TGM6: variants seen among roughly 807,000 people sequenced by gnomAD.
The protein encoded by TGM6 is protein-glutamine gamma-glutamyltransferase 6.
TGM6 carries 74 observed loss-of-function variants against 77.5 expected under a neutral mutation model. That is an observed-to-expected ratio of 0.96 (90% confidence interval 0.79 to 1.16). The LOEUF (loss-of-function observed/expected upper bound fraction) is 1.16. TGM6 is among the 50% of genes most tolerant of loss of function. The pLI is 0.00. For missense variants in TGM6, 968 were observed against 940.2 expected (o/e 1.03, Z -0.39); for synonymous variants, 383 against 378.9 (o/e 1.01, Z -0.12).
At chr20:2,385,111 C>T (rs182279148) in intron 1 of TGM6, among the ~76,000 whole-genome samples, 24 of 152,262 alleles carry the variant, frequency 1.6e-4, no homozygotes, top group Non-Finnish European at 2.9e-4. Flanking sequence ...ACCAAGAATT[C>T]GGCCAAGGGA....
intron 10 of TGM6, among the ~76,000 whole-genome samples, chr20:2,419,597 C>A (rs1206083761): frequency 6.6e-6 from 1 of 152,194 alleles, no homozygotes; most frequent in Non-Finnish European, 1.5e-5. Flanking sequence ...ATGTATTTTA[C>A]TTCCAAATCC....
At chr20:2,428,616 G>A (rs567896846) in intron 10 of TGM6, among the ~76,000 whole-genome samples, 61 of 152,038 alleles carry the variant, frequency 4.0e-4, no homozygotes, top group African/African-American at 1.4e-3. Flanking sequence ...ACTACCTAAT[G>A]AGCATTCAAT....
intron 10 of TGM6, 136 bp from the exon 11 acceptor site, chr20:2,430,310 G>A (rs2084915820): frequency 8.2e-7 from 1 of 1,225,998 alleles, no homozygotes; most frequent in South Asian, 1.2e-5. Context: ...GAGAACCGAG[G>A]AAAATAAAGC....
intron 9 of TGM6, among the ~76,000 whole-genome samples, chr20:2,411,732 T>C (rs1159673749): frequency 2.0e-5 from 3 of 152,230 alleles, no homozygotes; most frequent in African/African-American, 7.2e-5. Context: ...AGACTGAAGT[T>C]AGACTCTTAC....
In TGM6 at chr20:2,430,975, T is replaced by G. The variant is rs756433478; in HGVS notation, c.1915T>G (p.Cys639Gly). The change falls in exon 12 of 13, where the codon TGT (cysteine) becomes GGT (glycine). Residue 639 changes from cysteine to glycine, a missense_variant. By Grantham distance (159) the Cys-to-Gly change is radical. Coordinates refer to ENST00000202625, the MANE Select transcript of TGM6 (RefSeq NM_198994.3). ...CCCCCTCATAGAGAGAGTGAAGGACTGTGCGCTGATGGTGGAGGGCAGCGG... is the reference window on the plus strand; with the variant it reads ...CCCCCTCATAGAGAGAGTGAAGGACGGTGCGCTGATGGTGGAGGGCAGCGG... ...VNPLIERVKD[C>G]ALMVEGSGLL... 1.9e-6 allele frequency: 3 copies of G among 1,614,028 alleles called. No individual in the cohort carries two copies. Among genetic ancestry groups the G allele is most frequent in the Non-Finnish European group, 2.5e-6 (3 of 1,180,028 alleles).
Position 2,395,455 on chromosome 20 carries a change from A to G in TGM6, c.424+19A>G, listed in dbSNP as rs1455651459. ...TGTGCAGGTAGGAGTGGCCAAGTCC[A>G]ATGCAGAGGTTTTTCCAAAAGACAT... On this transcript the variant is annotated intron_variant, in intron 3 of 12. Coordinates refer to ENST00000202625, the MANE Select transcript of TGM6 (RefSeq NM_198994.3). The G allele has an allele frequency of 6.2e-7, 1 of 1,614,186 alleles. No individual in the cohort carries two copies. The highest frequency in any genetic ancestry group is 1.7e-4 in the Middle Eastern group (1 of 6,060).
chr20:2,409,404 C>A (rs924092125), intron 9 of TGM6, among the ~76,000 whole-genome samples: 1 of 152,150 alleles, frequency 6.6e-6, no homozygotes, highest in South Asian at 2.1e-4. Flanking sequence ...ATAGCCTAAT[C>A]TTCTACCTTA....
At chr20:2,382,217 C>A (rs1228927366) in intron 1 of TGM6, among the ~76,000 whole-genome samples, 1 of 152,220 alleles carries the variant, frequency 6.6e-6, no homozygotes, top group Non-Finnish European at 1.5e-5. Context: ...TGGCAGTTAA[C>A]AGCATTGCTG....
chr20:2,410,149 C>T (rs1599957177), intron 9 of TGM6, among the ~76,000 whole-genome samples: 2 of 152,156 alleles, frequency 1.3e-5, no homozygotes, highest in African/African-American at 4.8e-5. Context: ...AAAATCAAGG[C>T]ATGATTAGGG....
intron 10 of TGM6, among the ~76,000 whole-genome samples, chr20:2,429,921 A>G (rs988630906): frequency 6.6e-6 from 1 of 152,204 alleles, no homozygotes; most frequent in Admixed American, 6.5e-5. Flanking sequence ...GTGTCAGTGA[A>G]GACTTCCCTC....
chr20:2,411,182 T>G (rs2048071967), intron 9 of TGM6, among the ~76,000 whole-genome samples: 3 of 152,058 alleles, frequency 2.0e-5, no homozygotes, highest in Admixed American at 2.0e-4. Flanking sequence ...TACATATCTA[T>G]CTCCCTTATG....
At position 2,417,406 on chromosome 20, in the gene TGM6, C is replaced by A; in HGVS notation, c.1511C>A (p.Pro504His). 6.2e-7 allele frequency: 1 copy of A among 1,613,552 alleles called. No homozygotes were observed. Among genetic ancestry groups the A allele is most frequent in the African/African-American group, 1.3e-5 (1 of 75,068 alleles). Residue 504 changes from proline to histidine, a missense_variant, in exon 10 of 13, where the codon CCT (proline) becomes CAT (histidine). Physicochemically the swap from Pro to His is moderately conservative, Grantham distance 77 (BLOSUM62 -2). Coordinates refer to ENST00000202625, the MANE Select transcript of TGM6 (RefSeq NM_198994.3). ...SIAGKFKVLE[P>H]PMLGHDLRLA... ...GCTGGCAAGTTCAAGGTGCTAGAGC[C>A]TCCCATGCTGGGCCACGACCTGAGA... is the stretch of plus-strand genomic sequence containing the variant.
At position 2,400,449 on chromosome 20, in the gene TGM6, G is replaced by T. The variant is rs1258268366; in HGVS notation, c.989+5G>T. On this transcript the variant is annotated splice_donor_5th_base_variant and intron_variant, in intron 7 of 12. Coordinates refer to ENST00000202625, the MANE Select transcript of TGM6 (RefSeq NM_198994.3). ...CCTGACAGAAGACAGCATGTGGTGGGTCCTGCCCCCAGCCTAGGCCCGAGG... is the reference window on the plus strand; with the variant it reads ...CCTGACAGAAGACAGCATGTGGTGGTTCCTGCCCCCAGCCTAGGCCCGAGG... 1.2e-6 allele frequency: 2 copies of T among 1,613,978 alleles called. No homozygotes were observed. Among genetic ancestry groups the T allele is most frequent in the African/African-American group, 2.7e-5 (2 of 74,932 alleles).
At chr20:2,408,949 C>T (rs889568005) in intron 9 of TGM6, among the ~76,000 whole-genome samples, 4 of 151,844 alleles carry the variant, frequency 2.6e-5, no homozygotes, top group South Asian at 2.1e-4. Context: ...TGAGAGGAAG[C>T]GAACATTTGT....
intron 10 of TGM6, among the ~76,000 whole-genome samples, chr20:2,428,275 T>A (rs1476717911): frequency 6.6e-6 from 1 of 152,192 alleles, no homozygotes; most frequent in East Asian, 1.9e-4. Context: ...TGAGAACCAT[T>A]GTTCTAGGGA....
At chr20:2,415,600 G>C (rs1014520265) in intron 9 of TGM6, among the ~76,000 whole-genome samples, 1 of 152,162 alleles carries the variant, frequency 6.6e-6, no homozygotes, top group Non-Finnish European at 1.5e-5. Context: ...GGGAAGAGAG[G>C]TGAGAGAAGA....
rs1313832142 is a variant in TGM6, at chr20:2,399,741, A to C, written c.850+3A>C. 6.2e-7 allele frequency: 1 copy of C among 1,612,594 alleles called. No homozygotes were observed. Among genetic ancestry groups the C allele is most frequent in the East Asian group, 2.2e-5 (1 of 44,780 alleles). Reference sequence around the variant, plus strand: ...CTTCGCCGGAGTCCTGTGCACAGGTACCCTGGGAGAGAAGGGCCCCAGGGT... The same window carrying C: ...CTTCGCCGGAGTCCTGTGCACAGGTCCCCTGGGAGAGAAGGGCCCCAGGGT... On this transcript the variant is annotated splice_donor_region_variant and intron_variant, in intron 6 of 12. Coordinates refer to ENST00000202625, the MANE Select transcript of TGM6 (RefSeq NM_198994.3).
At chr20:2,403,930 G>T in intron 9 of TGM6, 107 bp downstream of exon 9, 3 of 1,562,206 alleles carry the variant, frequency 1.9e-6, no homozygotes, top group Non-Finnish European at 1.8e-6. Context: ...TGTATATGAC[G>T]CTGACAGCAG....
At chr20:2,413,658 A>T (rs774426315) in intron 9 of TGM6, among the ~76,000 whole-genome samples, 2 of 152,222 alleles carry the variant, frequency 1.3e-5, no homozygotes, top group Non-Finnish European at 2.9e-5. Flanking sequence ...TGAAGTTGTT[A>T]TACCCCACTG....
Sources: gnomAD v4.1 joint callset for allele counts (sites outside exome capture counted in the v4.1 genomes callset) on GRCh38, gnomAD v4.1.1 for gene constraint, MANE v1.5 for transcripts, NCBI Gene and HGNC (gene_info 2026-07-23, HGNC 2026-07-21) for gene names.